SDAD1: variants seen among roughly 807,000 people sequenced by gnomAD.
SDAD1 encodes the protein protein SDA1 homolog.
In SDAD1, 79 loss-of-function variants were observed where a neutral mutation model predicts 100.3. That is an observed-to-expected ratio of 0.79 (90% CI 0.66 to 0.95). The LOEUF (loss-of-function observed/expected upper bound fraction) is 0.95, where lower values mean the gene tolerates loss of function less well. Among genes scored for constraint, SDAD1 ranks in the 40% least tolerant of loss-of-function variants. The probability of loss-of-function intolerance (pLI) is 0.00; values close to 1 mark genes in which losing one functional copy is unlikely to be tolerated. For missense variants in SDAD1, 790 were observed against 810.9 expected, an observed-to-expected ratio of 0.97 and a Z score of 0.31; for synonymous variants, 267 against 271.4, an observed-to-expected ratio of 0.98 and a Z score of 0.16.
chr4:75,989,034 C>T (rs1290280892), intron 1 of SDAD1, among the ~76,000 whole-genome samples: 1 of 152,116 alleles, frequency 6.6e-6, no homozygotes, highest in East Asian at 1.9e-4. Context: ...TATGTCAGAT[C>T]ATGTCACTCT....
At position 75,955,977 on chromosome 4, in the gene SDAD1, G is replaced by T; in HGVS notation, c.2014C>A (p.Gln672Lys). The T allele has an allele frequency of 6.3e-7, 1 of 1,595,040 alleles. No homozygotes were observed. The highest frequency in any genetic ancestry group is 8.5e-7 in the Non-Finnish European group (1 of 1,175,262). ...CCCAAGCTTCAAGTGGAACTCACCT[G>T]TTTTTCTCGGAAGGAACGCTTATTT... is the stretch of plus-strand genomic sequence containing the variant. ...SKNKRSFREKQLALRDALLKK... is the reference protein window; with the variant it reads ...SKNKRSFREKKLALRDALLKK... The change falls in exon 21 of 22, where the codon CAG (glutamine) becomes AAG (lysine). Residue 672 changes from glutamine (Q) to lysine (K), a missense_variant and splice_region_variant. Coordinates refer to ENST00000356260, the MANE Select transcript of SDAD1 (RefSeq NM_018115.4).
chr4:75,987,869 G>A (rs1021906984), intron 1 of SDAD1, among the ~76,000 whole-genome samples: 2 of 152,180 alleles, frequency 1.3e-5, no homozygotes, highest in African/African-American at 4.8e-5. Context: ...AGCATCTGAT[G>A]TGCTTGGGTT....
chr4:75,961,412 T>C (rs1578120462), intron 14 of SDAD1, 104 bp from the exon 15 acceptor site: 1 of 830,024 alleles, frequency 1.2e-6, no homozygotes, highest in Non-Finnish European at 1.9e-6. Flanking sequence ...GAAAACACGT[T>C]GAGTTTTATA....
chr4:75,981,089 G>A (rs771280650), intron 3 of SDAD1: 2 of 305,372 alleles, frequency 6.5e-6, no homozygotes, highest in Admixed American at 4.5e-5. Context: ...TGTAGGGTTA[G>A]TGTGCTGGAA....
intron 21 of SDAD1, among the ~76,000 whole-genome samples, chr4:75,954,081 AAGTACCCACGCCTGGGGCCAGGCGCGGT>A (rs1223510724): frequency 6.6e-6 from 1 of 152,068 alleles, no homozygotes; most frequent in Non-Finnish European, 1.5e-5. Context: ...GGGTTTTGAA[AAGTACCCACGCCTGGGGCCAGGCGCGGT>A]AGTAGCTCAC....
At chr4:75,974,466 A>G (rs1730045252) in intron 6 of SDAD1, among the ~76,000 whole-genome samples, 1 of 151,736 alleles carries the variant, frequency 6.6e-6, no homozygotes, top group South Asian at 2.1e-4. Context: ...CTGTAATCCC[A>G]GCACTTTGGA....
intron 1 of SDAD1, among the ~76,000 whole-genome samples, chr4:75,987,898 T>A (rs1730998352): frequency 6.6e-6 from 1 of 152,306 alleles, no homozygotes; most frequent in Admixed American, 6.5e-5. Flanking sequence ...CTTGGGAACA[T>A]CTTCTATACT....
chr4:75,989,435 C>T (rs966129597), intron 1 of SDAD1, among the ~76,000 whole-genome samples: 3 of 152,230 alleles, frequency 2.0e-5, no homozygotes, highest in East Asian at 1.9e-4. Flanking sequence ...GAGAAGAATG[C>T]TTTCTTATCT....
chr4:75,957,738 A>G (rs776551574), intron 18 of SDAD1, 30 bp from the exon 19 acceptor site: 1 of 1,613,312 alleles, frequency 6.2e-7, no homozygotes, highest in African/African-American at 1.3e-5. Flanking sequence ...TTAAATGGCT[A>G]CCAGCTCAAG....
intron 1 of SDAD1, among the ~76,000 whole-genome samples, chr4:75,984,140 G>C (rs1224766713): frequency 6.7e-6 from 1 of 149,328 alleles, no homozygotes; most frequent in Non-Finnish European, 1.5e-5. Flanking sequence ...CTATTCTATT[G>C]GTCTATGTAT....
Position 75,963,788 on chromosome 4 carries a change from C to G in SDAD1, c.1181+347G>C, listed in dbSNP as rs372440569. 5.3e-5 allele frequency among the ~76,000 whole-genome samples: 8 copies of G among 152,236 alleles called. No homozygotes were observed. The South Asian group carries it at 1.0e-3, about 20-fold the overall frequency. ...ACACCAATGCCATGCCCTTGGACTTCCCAGCTCCAGAACTAGGAGCCAAAT... is the reference window on the plus strand; with the variant it reads ...ACACCAATGCCATGCCCTTGGACTTGCCAGCTCCAGAACTAGGAGCCAAAT... On this transcript the variant is annotated intron_variant, in intron 14 of 21. Transcript: ENST00000356260.
At position 75,970,525 on chromosome 4, in the gene SDAD1, T is replaced by C. The variant is rs1433586862; in HGVS notation, c.814-147A>G. 1.8e-5 allele frequency: 10 copies of C among 566,944 alleles called. No individual in the cohort carries two copies. In the East Asian group the frequency reaches 2.0e-4, roughly 11 times the overall value. 35.1% of individuals were successfully genotyped at this position (566,944 alleles called of 1,614,324 possible). On this transcript the variant is annotated intron_variant, in intron 9 of 21. Transcript: ENST00000356260. ...CTAAAAACCTTTTCAACTAGAAGAA[T>C]TAAAGTTGGTTTTTGCCTTTTAAGA...
chr4:75,957,775 C>T, intron 18 of SDAD1, 67 bp from the exon 19 acceptor site: 1 of 1,611,268 alleles, frequency 6.2e-7, no homozygotes, highest in Non-Finnish European at 8.5e-7. Flanking sequence ...TAAATTGTAG[C>T]CTCCCAACAA....
At chr4:75,956,837 C>A (rs1375540992) in intron 20 of SDAD1, among the ~76,000 whole-genome samples, 1 of 152,238 alleles carries the variant, frequency 6.6e-6, no homozygotes, top group East Asian at 1.9e-4. Flanking sequence ...TGGCTGGGCG[C>A]AATGGCTCAT....
intron 21 of SDAD1, among the ~76,000 whole-genome samples, chr4:75,953,128 A>T (rs568539607): frequency 1.3e-5 from 2 of 152,338 alleles, no homozygotes; most frequent in East Asian, 1.9e-4. Context: ...AATGACAAGA[A>T]AATTGGAGAA....
chr4:75,964,101 A>G (rs1488701551), intron 14 of SDAD1, 34 bp downstream of exon 14: 2 of 1,373,022 alleles, frequency 1.5e-6, no homozygotes, highest in African/African-American at 2.9e-5. Context: ...CCATTAAACA[A>G]TGTATCTTCT....
At chr4:75,989,923 C>T (rs1203214195) in intron 1 of SDAD1, among the ~76,000 whole-genome samples, 1 of 152,148 alleles carries the variant, frequency 6.6e-6, no homozygotes, top group African/African-American at 2.4e-5. Flanking sequence ...TTGTGTTAGC[C>T]ACTGAACAAA....
intron 21 of SDAD1, among the ~76,000 whole-genome samples, chr4:75,955,663 GA>G (rs1728849579): frequency 6.6e-6 from 1 of 152,162 alleles, no homozygotes; most frequent in Non-Finnish European, 1.5e-5. Flanking sequence ...TTTAGCATGG[GA>G]AGGAACCTCA....
Position 75,950,136 on chromosome 4 carries a change from G to A in SDAD1, c.*614C>T, listed in dbSNP as rs1275668186. On this transcript the variant is annotated 3_prime_UTR_variant, in exon 22 of 22. Transcript: ENST00000356260. Reference sequence around the variant, plus strand: ...CAAAAACAAAAACAAAAAAAACACGGGGGGGGGGGGGTCACTTAAATCTCT... The same window carrying A: ...CAAAAACAAAAACAAAAAAAACACGAGGGGGGGGGGGTCACTTAAATCTCT... The A allele has an allele frequency of 1.4e-5, 1 of 72,874 alleles. No individual in the cohort carries two copies. The highest frequency in any genetic ancestry group is 9.6e-5 in the African/African-American group (1 of 10,442). The allele number at this position is 72,874 out of a possible 1,614,324, so 4.5% of individuals were successfully genotyped here.
Sources: allele counts gnomAD v4.1 joint callset (sites outside exome capture counted in the v4.1 genomes callset), GRCh38; gene constraint gnomAD v4.1.1; transcripts MANE v1.5; gene names NCBI Gene and HGNC (gene_info 2026-07-23, HGNC 2026-07-21).